SKAP1: variants seen among roughly 807,000 people sequenced by gnomAD.
SKAP1 encodes src kinase-associated phosphoprotein 1.
Under a neutral mutation model 58.5 loss-of-function variants are expected in SKAP1, and 44 were observed. The ratio of observed to expected loss-of-function variants is 0.75; its 90% CI spans 0.59 to 0.97. The LOEUF is 0.97. SKAP1 is among the 50% of genes least tolerant of loss of function. SKAP1 has a pLI of 0.00. For missense variants in SKAP1, 390 were observed against 435.2 expected, an observed-to-expected ratio of 0.90 and a Z score of 0.92; for synonymous variants, 127 against 149.7, an observed-to-expected ratio of 0.85 and a Z score of 1.11.
chr17:48,384,432 T>G (rs988771338), intron 2 of SKAP1, among the ~76,000 whole-genome samples: 1 of 151,976 alleles, frequency 6.6e-6, no homozygotes, highest in Non-Finnish European at 1.5e-5. Context: ...CCTAAACAAG[T>G]GGAAGTTAAT....
chr17:48,280,578 C>CAT (rs1016873927), intron 4 of SKAP1, among the ~76,000 whole-genome samples: 10 of 151,934 alleles, frequency 6.6e-5, no homozygotes, highest in South Asian at 2.1e-4. Context: ...CAAATATATA[C>CAT]ATATATATAT....
chr17:48,204,840 T>C (rs900817891), intron 4 of SKAP1, among the ~76,000 whole-genome samples: 3 of 152,124 alleles, frequency 2.0e-5, no homozygotes. Flanking sequence ...CATCCCACAT[T>C]ACCAAAGCTA....
At chr17:48,177,562 C>T (rs1416696959) in intron 9 of SKAP1, among the ~76,000 whole-genome samples, 1 of 152,082 alleles carries the variant, frequency 6.6e-6, no homozygotes, top group African/African-American at 2.4e-5. Flanking sequence ...GATACCATTG[C>T]TGTCTCATGT....
intron 4 of SKAP1, among the ~76,000 whole-genome samples, chr17:48,330,170 C>G (rs2066487009): frequency 1.3e-5 from 2 of 152,264 alleles, no homozygotes; most frequent in African/African-American, 4.8e-5. Flanking sequence ...TTCTCTTGTA[C>G]TCCTAGAATG....
chr17:48,375,438 A>G (rs535303156), intron 2 of SKAP1, among the ~76,000 whole-genome samples: 1 of 152,334 alleles, frequency 6.6e-6, no homozygotes, highest in Admixed American at 6.5e-5. Flanking sequence ...GCTACATGGA[A>G]TCATTGCTAT....
At chr17:48,353,969 A>AAAG (rs375700888) in intron 3 of SKAP1, among the ~76,000 whole-genome samples, 63 of 148,858 alleles carry the variant, frequency 4.2e-4, no homozygotes, top group Middle Eastern at 7.0e-3. Flanking sequence ...AGAGGAAGAA[A>AAAG]AAGAAGAAGA....
rs67346038 is a variant in SKAP1 at position 48,367,536 on chromosome 17, G to GTATA, written c.153-3726_153-3723dup. On this transcript the variant is annotated intron_variant, in intron 2 of 12. Transcript: ENST00000336915. ...TATGTGTGTGTATATGTATGTGTGT[G>GTATA]TATATATATATATGGATATATATCC... 5.2e-5 allele frequency among the ~76,000 whole-genome samples: 7 copies of GTATA among 135,600 alleles called. No homozygotes were observed. In the South Asian group the frequency reaches 7.7e-4, roughly 15 times the overall value. The allele number at this position is 135,600 out of a possible 152,430, so 89.0% of individuals were successfully genotyped here.
At chr17:48,309,776 G>GCT (rs2066199219) in intron 4 of SKAP1, among the ~76,000 whole-genome samples, 2 of 152,216 alleles carry the variant, frequency 1.3e-5, no homozygotes, top group African/African-American at 4.8e-5. Context: ...ATGTCTGTCA[G>GCT]CTACTACTAG....
intron 4 of SKAP1, among the ~76,000 whole-genome samples, chr17:48,250,758 C>A (rs982018218): frequency 3.3e-5 from 5 of 151,990 alleles, no homozygotes; most frequent in African/African-American, 1.2e-4. Context: ...ATTATAGCTC[C>A]ATTTCTGATA....
intron 4 of SKAP1, among the ~76,000 whole-genome samples, chr17:48,308,990 AG>A (rs1360860760): frequency 6.6e-6 from 1 of 152,142 alleles, no homozygotes; most frequent in African/African-American, 2.4e-5. Context: ...AGACCTGAAA[AG>A]TATCATTTTT....
intron 11 of SKAP1, among the ~76,000 whole-genome samples, chr17:48,146,017 G>A (rs12449324): frequency 0.23 from 34,424 of 151,950 alleles, 4,196 homozygotes; most frequent in South Asian, 0.33. Flanking sequence ...CGTAGGCCTC[G>A]TCTCTGGGGT....
chr17:48,424,193 G>A (rs2067828100), intron 1 of SKAP1, among the ~76,000 whole-genome samples: 1 of 151,238 alleles, frequency 6.6e-6, no homozygotes, highest in Non-Finnish European at 1.5e-5. Context: ...TCACATAGTG[G>A]AAGGAGTAAG....
chr17:48,305,274 C>T (rs1486425314), intron 4 of SKAP1, among the ~76,000 whole-genome samples: 2 of 151,968 alleles, frequency 1.3e-5, no homozygotes, highest in Non-Finnish European at 2.9e-5. Context: ...AGCCTCAACC[C>T]CCTGTACTCA....
intron 1 of SKAP1, among the ~76,000 whole-genome samples, chr17:48,417,207 C>T (rs1277249039): frequency 6.6e-6 from 1 of 152,142 alleles, no homozygotes; most frequent in Non-Finnish European, 1.5e-5. Context: ...CTAGGTTCGA[C>T]CTGCTAACTG....
chr17:48,356,151 G>A (rs181561441), intron 3 of SKAP1, among the ~76,000 whole-genome samples: 3 of 152,054 alleles, frequency 2.0e-5, no homozygotes, highest in East Asian at 1.9e-4. Flanking sequence ...CTACTGGGGA[G>A]GCCAAAGTGA....
chr17:48,176,054 A>AG (rs2064285612), intron 9 of SKAP1, among the ~76,000 whole-genome samples: 2 of 152,192 alleles, frequency 1.3e-5, no homozygotes, highest in South Asian at 4.1e-4. Context: ...ACAACTGTAC[A>AG]GGGGGAAAAA....
At chr17:48,415,346 TA>T (rs61487802) in intron 1 of SKAP1, among the ~76,000 whole-genome samples, 49,986 of 151,832 alleles carry the variant, frequency 0.33, 8,920 homozygotes, top group African/African-American at 0.46. Flanking sequence ...AAAAAAAAAT[TA>T]AAAAATAAAA....
intron 4 of SKAP1, among the ~76,000 whole-genome samples, chr17:48,335,428 T>C (rs2066555562): frequency 6.6e-6 from 1 of 151,998 alleles, no homozygotes; most frequent in African/African-American, 2.4e-5. Context: ...TTACTTTTAG[T>C]AGTCTCCTAG....
chr17:48,389,306 A>AT (rs879914531), intron 2 of SKAP1, among the ~76,000 whole-genome samples: 43 of 149,456 alleles, frequency 2.9e-4, no homozygotes, highest in Admixed American at 1.5e-3. Context: ...CCCCTACACT[A>AT]TTTTTTTTTT....
Sources: allele counts gnomAD v4.1 joint callset (sites outside exome capture counted in the v4.1 genomes callset), GRCh38; gene constraint gnomAD v4.1.1; transcripts MANE v1.5; gene names NCBI Gene and HGNC (gene_info 2026-07-23, HGNC 2026-07-21).